TRPM1: variants seen among roughly 807,000 people sequenced by gnomAD.
TRPM1 encodes the protein transient receptor potential cation channel subfamily M member 1.
A neutral mutation model predicts 149.4 loss-of-function variants in TRPM1; 113 were observed. The observed-to-expected ratio is 0.76, with a 90% CI of 0.65 to 0.88. The LOEUF is 0.88. TRPM1 is among the 40% of genes least tolerant of loss of function. The pLI is 0.00. For missense variants in TRPM1, 1,976 were observed against 2,038.7 expected, an observed-to-expected ratio of 0.97 and a Z score of 0.59; for synonymous variants, 741 against 759.5, an observed-to-expected ratio of 0.98 and a Z score of 0.40.
chr15:31,088,965 C>G (rs1044857063), intron 1 of TRPM1, among the ~76,000 whole-genome samples: 2 of 152,178 alleles, frequency 1.3e-5, no homozygotes, highest in Non-Finnish European at 2.9e-5. Context: ...GGCAGTGGGG[C>G]TCCCAGCACT....
intron 11 of TRPM1, among the ~76,000 whole-genome samples, chr15:31,051,785 C>T (rs1243549167): frequency 6.6e-6 from 1 of 152,204 alleles, no homozygotes; most frequent in African/African-American, 2.4e-5. Context: ...GTTGCCTGCT[C>T]AGCATCCTGC....
intron 27 of TRPM1, among the ~76,000 whole-genome samples, chr15:31,013,553 T>C (rs972593713): frequency 2.0e-5 from 3 of 152,190 alleles, no homozygotes; most frequent in Admixed American, 1.3e-4. Flanking sequence ...GGGATGGTTT[T>C]TAAGATTGTC....
chr15:31,024,266 A>T (rs1002587428), intron 27 of TRPM1, among the ~76,000 whole-genome samples: 10 of 152,246 alleles, frequency 6.6e-5, no homozygotes, highest in African/African-American at 2.2e-4. Context: ...GAAATGCTTG[A>T]GTACTTCAAG....
chr15:31,113,368 C>T (rs2035732939), intron 1 of TRPM1, among the ~76,000 whole-genome samples: 1 of 152,050 alleles, frequency 6.6e-6, no homozygotes, highest in Admixed American at 6.5e-5. Context: ...CATGGACTGT[C>T]ACAACCAACG....
chr15:31,134,343 T>G (rs1371207407), intron 1 of TRPM1, among the ~76,000 whole-genome samples: 2 of 152,296 alleles, frequency 1.3e-5, no homozygotes, highest in East Asian at 3.9e-4. Context: ...CACATATGCC[T>G]CTTTGGCATA....
rs566714475 is a variant in TRPM1, at chr15:31,047,210, G to A, written c.1665C>T (p.Ile555=). Residue 555 remains isoleucine, a synonymous_variant, in exon 15 of 28, where the codon ATC becomes ATT. Coordinates refer to ENST00000256552, the MANE Select transcript of TRPM1 (RefSeq NM_001252024.2). ...PPDYHISLID[I]GLVLEYLMGG... ...CCATGAGGTACTCCAGCACGAGCCC[G>A]ATGTCTATGAGGCTGATGTGGTAAT... is the stretch of plus-strand genomic sequence containing the variant. 8.1e-6 allele frequency: 13 copies of A among 1,614,214 alleles called. No homozygotes were observed. Among genetic ancestry groups the A allele is most frequent in the South Asian group, 5.5e-5 (5 of 91,078 alleles).
At chr15:31,066,848 T>A (rs1441138367) in intron 6 of TRPM1, among the ~76,000 whole-genome samples, 2 of 152,126 alleles carry the variant, frequency 1.3e-5, no homozygotes, top group African/African-American at 4.8e-5. Context: ...GGGATCCTCG[T>A]GTTGATGGAA....
At chr15:31,014,491 T>G (rs1287407084) in intron 27 of TRPM1, among the ~76,000 whole-genome samples, 1 of 152,254 alleles carries the variant, frequency 6.6e-6, no homozygotes, top group Non-Finnish European at 1.5e-5. Flanking sequence ...AGGACAGGGC[T>G]AAGTTAAAAT....
intron 22 of TRPM1, among the ~76,000 whole-genome samples, 161 bp downstream of exon 22, chr15:31,032,528 G>T (rs1035813652): frequency 6.6e-6 from 1 of 152,142 alleles, no homozygotes; most frequent in Non-Finnish European, 1.5e-5. Flanking sequence ...TTATCAACAT[G>T]TAGGAGAACT....
intron 1 of TRPM1, among the ~76,000 whole-genome samples, chr15:31,088,801 C>CCG (rs370669193): frequency 3.0e-4 from 42 of 140,580 alleles, no homozygotes; most frequent in African/African-American, 1.2e-3. Context: ...GTTCTTTCTG[C>CCG]TGGGGGGATG....
At chr15:31,121,219 A>C (rs2035873185) in intron 1 of TRPM1, among the ~76,000 whole-genome samples, 1 of 113,420 alleles carries the variant, frequency 8.8e-6, no homozygotes, top group Non-Finnish European at 1.8e-5. Context: ...GCAAGACTCC[A>C]TCTCAAAAAA....
chr15:31,036,864 C>G (rs1416035333), intron 20 of TRPM1, among the ~76,000 whole-genome samples: 1 of 152,242 alleles, frequency 6.6e-6, no homozygotes, highest in Non-Finnish European at 1.5e-5. Context: ...GAGCTTTGCT[C>G]TGCCCCCAGC....
chr15:31,089,127 G>A (rs1024896195), intron 1 of TRPM1, among the ~76,000 whole-genome samples: 3 of 152,194 alleles, frequency 2.0e-5, no homozygotes, highest in African/African-American at 4.8e-5. Flanking sequence ...TGAATACAGT[G>A]TGGAAACTGA....
chr15:31,118,665 A>G (rs2035835647), intron 1 of TRPM1, among the ~76,000 whole-genome samples: 1 of 152,178 alleles, frequency 6.6e-6, no homozygotes, highest in Admixed American at 6.5e-5. Flanking sequence ...TGGGTTGAAG[A>G]TTGCCAACTT....
intron 20 of TRPM1, among the ~76,000 whole-genome samples, chr15:31,036,215 G>T (rs2033362588): frequency 2.0e-5 from 3 of 152,092 alleles, no homozygotes; most frequent in African/African-American, 7.2e-5. Flanking sequence ...TATCTCTGTG[G>T]CAGGGAAAGA....
chr15:31,121,655 A>C (rs2035882302), intron 1 of TRPM1, among the ~76,000 whole-genome samples: 1 of 152,256 alleles, frequency 6.6e-6, no homozygotes, highest in African/African-American at 2.4e-5. Flanking sequence ...GGCAATATCT[A>C]TTAAAAATTA....
chr15:31,105,497 A>G (rs901820383), upstream of TRPM1, among the ~76,000 whole-genome samples: 2 of 152,128 alleles, frequency 1.3e-5, no homozygotes, highest in African/African-American at 4.8e-5. Context: ...GTGCATCTGT[A>G]AAGAAAATGC....
At chr15:31,072,493 C>T (rs925470250) in intron 3 of TRPM1, among the ~76,000 whole-genome samples, 1 of 152,094 alleles carries the variant, frequency 6.6e-6, no homozygotes, top group Non-Finnish European at 1.5e-5. Context: ...ATTTATGTAA[C>T]AAGTTTTTGA....
upstream of TRPM1, among the ~76,000 whole-genome samples, chr15:31,106,259 C>T (rs578150513): frequency 1.3e-5 from 2 of 151,892 alleles, no homozygotes; most frequent in Admixed American, 1.3e-4. Flanking sequence ...CTGCCTTAGC[C>T]TTGCAAATAG....
Sources: allele counts gnomAD v4.1 joint callset (sites outside exome capture counted in the v4.1 genomes callset), GRCh38; gene constraint gnomAD v4.1.1; transcripts MANE v1.5; gene names NCBI Gene and HGNC (gene_info 2026-07-23, HGNC 2026-07-21).